The following NRK variants were observed in gnomAD, a reference collection of about 807,000 sequenced individuals.
The protein encoded by NRK is Nik related kinase, also known as nik-related protein kinase.
NRK carries 67 observed loss-of-function variants against 125.2 expected under a neutral mutation model. That is an observed-to-expected ratio of 0.54 (90% confidence interval 0.44 to 0.66). The LOEUF (loss-of-function observed/expected upper bound fraction) is 0.66. NRK is among the 30% of genes least tolerant of loss of function. NRK has a pLI of 0.00. For missense variants in NRK, 1,224 were observed against 1,192.9 expected, an observed-to-expected ratio of 1.03 and a Z score of -0.38; for synonymous variants, 458 against 429.0, an observed-to-expected ratio of 1.07 and a Z score of -0.84.
chrX:105,881,657 C>A, intron 3 of NRK, 51 bp from the exon 4 acceptor site: 1 of 712,703 alleles, frequency 1.4e-6, no homozygotes, highest in Non-Finnish European at 2.1e-6. Context: ...AAGCATAAAT[C>A]ATTTTTAGAG....
chrX:105,828,531 T>C (rs1332420799), intron 1 of NRK, among the ~76,000 whole-genome samples: 1 of 112,271 alleles, frequency 8.9e-6, no homozygotes, highest in Non-Finnish European at 1.9e-5. Flanking sequence ...ACAATAATTC[T>C]CTAATATATG....
chrX:105,835,410 A>G (rs1421381307), intron 2 of NRK, among the ~76,000 whole-genome samples: 1 of 110,761 alleles, frequency 9.0e-6, no homozygotes, highest in African/African-American at 3.3e-5. Context: ...CCCTAATGGT[A>G]TACTGCTATT....
intron 6 of NRK, 79 bp downstream of exon 6, chrX:105,894,021 C>T: frequency 1.4e-5 from 7 of 499,985 alleles, no homozygotes; most frequent in Non-Finnish European, 2.3e-5. Flanking sequence ...TATACCTGCT[C>T]ACATCAGATA....
chrX:105,952,202 T>C (rs910850781), intron 27 of NRK, among the ~76,000 whole-genome samples: 1 of 112,376 alleles, frequency 8.9e-6, no homozygotes, highest in Non-Finnish European at 1.9e-5. Context: ...CCTAGACTAT[T>C]TTAATTTGAG....
At chrX:105,901,138 A>G (rs1176479869) in intron 9 of NRK, among the ~76,000 whole-genome samples, 1 of 110,755 alleles carries the variant, frequency 9.0e-6, no homozygotes, top group Non-Finnish European at 1.9e-5. Context: ...GCTAATGTCA[A>G]GAAGTAAGCC....
intron 2 of NRK, among the ~76,000 whole-genome samples, chrX:105,863,384 G>A (rs1331392421): frequency 9.3e-6 from 1 of 107,172 alleles, no homozygotes; most frequent in Admixed American, 1.0e-4. Context: ...TCTGTGAAAA[G>A]GAAGTTACCC....
intron 10 of NRK, among the ~76,000 whole-genome samples, chrX:105,905,667 T>C (rs1406115153): frequency 8.9e-6 from 1 of 112,546 alleles, no homozygotes; most frequent in Non-Finnish European, 1.9e-5. Context: ...ATATAGGCAG[T>C]CAGTTATATG....
chrX:105,938,397 T>C (rs2040693150), intron 22 of NRK, among the ~76,000 whole-genome samples: 1 of 112,251 alleles, frequency 8.9e-6, no homozygotes, highest in Non-Finnish European at 1.9e-5. Context: ...CCTAAAATGA[T>C]TAACTTTGCT....
At chrX:105,912,504 A>C in intron 13 of NRK, 144 bp from the exon 14 acceptor site, 1 of 200,376 alleles carries the variant, frequency 5.0e-6, no homozygotes, top group Non-Finnish European at 9.3e-6. Context: ...TAATATTTGG[A>C]TATTATTCTT....
chrX:105,933,126 C>T (rs1602688633), intron 19 of NRK, among the ~76,000 whole-genome samples: 1 of 110,407 alleles, frequency 9.1e-6, no homozygotes, highest in East Asian at 2.9e-4. Flanking sequence ...TGGATGGTTT[C>T]TAATGGGAAA....
intron 4 of NRK, among the ~76,000 whole-genome samples, chrX:105,884,338 C>CTT (rs34830401): frequency 1.5e-4 from 15 of 102,743 alleles, no homozygotes; most frequent in South Asian, 4.2e-4. Flanking sequence ...ACATTGCAAA[C>CTT]TTTTTTTTTT....
At chrX:105,899,668 C>G (rs1360990522) in intron 8 of NRK, among the ~76,000 whole-genome samples, 1 of 111,586 alleles carries the variant, frequency 9.0e-6, no homozygotes, top group Non-Finnish European at 1.9e-5. Context: ...AAGTCTTAAG[C>G]ATAGACTATC....
rs191570231 is a variant in NRK at position 105,929,935 on chromosome X, G to T, written c.3313-4323G>T. On this transcript the variant is annotated intron_variant, in intron 19 of 28. Coordinates refer to ENST00000243300, the MANE Select transcript of NRK (RefSeq NM_198465.4). Reference sequence around the variant, plus strand: ...TCCTGGCTTGTAAGGTTTCTGTTCAGAAATCTGCTGTTAGTCCAATGAGGA... The same window carrying T: ...TCCTGGCTTGTAAGGTTTCTGTTCATAAATCTGCTGTTAGTCCAATGAGGA... 6.3e-5 allele frequency among the ~76,000 whole-genome samples: 7 copies of T among 111,721 alleles called. No homozygotes were observed. In the East Asian group the frequency reaches 1.7e-3, roughly 27 times the overall value.
At chrX:105,950,602 C>T (rs1363389146) in intron 27 of NRK, among the ~76,000 whole-genome samples, 2 of 97,632 alleles carry the variant, frequency 2.0e-5, no homozygotes, top group Non-Finnish European at 4.1e-5. Flanking sequence ...AGAGACTTAA[C>T]AATTGCATCA....
Position 105,880,227 on chromosome X carries a change from C to T in NRK, c.152C>T (p.Thr51Ile). 1 of 1,088,471 alleles carries T rather than the reference C, an allele frequency of 9.2e-7. No homozygotes were observed. Among genetic ancestry groups the T allele is most frequent in the Non-Finnish European group, 1.2e-6 (1 of 813,613 alleles). The allele number at this position is 1,088,471 out of a possible 1,213,427, so 89.7% of individuals were successfully genotyped here. A position where few individuals can be genotyped will look rare whatever the true frequency, so the allele number is the denominator to read the frequency against. Residue 51 changes from threonine to isoleucine, a missense_variant, in exon 3 of 29, where the codon ACA becomes ATA. By Grantham distance (89) the Thr-to-Ile change is moderately conservative (BLOSUM62 -1). Coordinates refer to ENST00000243300, the MANE Select transcript of NRK (RefSeq NM_198465.4). Reference protein sequence around the residue: ...LGLHEKTGAFTAVKVMNARKT... With the variant: ...LGLHEKTGAFIAVKVMNARKT... ...CTTCATGAGAAGACTGGTGCATTTACAGCTGTTAAAGTGATGAACGCTCGT... is the reference window on the plus strand; with the variant it reads ...CTTCATGAGAAGACTGGTGCATTTATAGCTGTTAAAGTGATGAACGCTCGT...
chrX:105,903,926 T>G (rs2040189537), intron 9 of NRK, among the ~76,000 whole-genome samples: 1 of 112,206 alleles, frequency 8.9e-6, no homozygotes, highest in African/African-American at 3.2e-5. Context: ...CCTGATACTT[T>G]GTACTTGGAG....
chrX:105,910,716 T>C (rs1288466752), intron 13 of NRK, among the ~76,000 whole-genome samples: 1 of 110,948 alleles, frequency 9.0e-6, no homozygotes, highest in Non-Finnish European at 1.9e-5. Context: ...TGCTGGATAA[T>C]TGGAGTTGTT....
intron 21 of NRK, 150 bp downstream of exon 21, chrX:105,935,475 T>A (rs2040650929): frequency 9.4e-6 from 4 of 424,958 alleles, no homozygotes; most frequent in Non-Finnish European, 1.5e-5. Flanking sequence ...TTTTGCTGAT[T>A]TTTTTTTTCA....
chrX:105,940,800 C>T (rs1321044312), intron 23 of NRK, among the ~76,000 whole-genome samples: 2 of 111,616 alleles, frequency 1.8e-5, no homozygotes. Context: ...CATTAATTGC[C>T]TCTTCAGGCA....
Sources: gnomAD v4.1 joint callset for allele counts (sites outside exome capture counted in the v4.1 genomes callset) on GRCh38, gnomAD v4.1.1 for gene constraint, MANE v1.5 for transcripts, NCBI Gene and HGNC (gene_info 2026-07-23, HGNC 2026-07-21) for gene names.